Variants in CAP1 observed in about 807,000 individuals in gnomAD.
CAP1 encodes the protein cyclase associated actin cytoskeleton regulatory protein 1.
Under a neutral mutation model 58.2 loss-of-function variants are expected in CAP1, and 11 were observed. The ratio of observed to expected loss-of-function variants is 0.19; its 90% CI spans 0.12 to 0.31. The LOEUF is 0.31. Among genes scored for constraint, CAP1 ranks in the 10% least tolerant of loss-of-function variants. The pLI is 1.00. For missense variants in CAP1, 423 were observed against 587.5 expected, an observed-to-expected ratio of 0.72 and a Z score of 2.89; for synonymous variants, 183 against 213.8, an observed-to-expected ratio of 0.86 and a Z score of 1.26.
At chr1:40,047,678 A>T (rs1646165744) in intron 1 of CAP1, among the ~76,000 whole-genome samples, 1 of 152,218 alleles carries the variant, frequency 6.6e-6, no homozygotes, top group Non-Finnish European at 1.5e-5. Context: ...GTAGAAAGGG[A>T]CTGCCGAGTG....
chr1:40,063,635 A>T (rs1646952029), intron 4 of CAP1, among the ~76,000 whole-genome samples: 2 of 152,218 alleles, frequency 1.3e-5, no homozygotes, highest in Admixed American at 1.3e-4. Flanking sequence ...ATTGCATTTG[A>T]TTCATCAGTT....
chr1:40,048,168 G>A (rs905694491), intron 1 of CAP1, among the ~76,000 whole-genome samples: 1 of 152,082 alleles, frequency 6.6e-6, no homozygotes, highest in African/African-American at 2.4e-5. Context: ...ACAGGCATGA[G>A]CCATTGCACC....
rs778968835 is a variant in CAP1, at chr1:40,070,499, A to G, written c.1187A>G (p.Asp396Gly). The change falls in exon 11 of 13, where the codon GAT becomes GGT. Residue 396 changes from aspartate (D) to glycine (G), a missense_variant. By Grantham distance (94) the Asp-to-Gly change is moderately conservative. Coordinates refer to ENST00000372805, the MANE Select transcript of CAP1 (RefSeq NM_006367.4). ...ATTGTGGAGATAATCAACAGTAAGG[A>G]TGTCAAAGTTCAGGTAACTCGATAT... is the stretch of plus-strand genomic sequence containing the variant. Reference protein sequence around the residue: ...VGIVEIINSKDVKVQVMGKVP... With the variant: ...VGIVEIINSKGVKVQVMGKVP... The G allele has an allele frequency of 6.8e-6, 11 of 1,613,772 alleles. No homozygotes were observed. The highest frequency in any genetic ancestry group is 7.6e-6 in the Non-Finnish European group (9 of 1,179,684).
intron 1 of CAP1, among the ~76,000 whole-genome samples, chr1:40,044,658 G>C (rs1366414311): frequency 6.6e-6 from 1 of 151,916 alleles, no homozygotes; most frequent in Non-Finnish European, 1.5e-5. Flanking sequence ...AGATGATACA[G>C]GTTGACTTTC....
rs527275009 is a variant in CAP1, at chr1:40,069,736, C to G, written c.855C>G (p.Ala285=). The change falls in exon 9 of 13, where the codon GCC becomes GCG. Residue 285 remains alanine (A), a synonymous_variant. Transcript: ENST00000372805. ...ACATGAAGACTCACAAGAACCCTGC[C>G]CTGAAGGCTCAGAGTGGTCCAGTAC... The part of the protein sequence containing the change: ...SDDMKTHKNP[A]LKAQSGPVRS... 75 of 1,613,790 alleles carry G rather than the reference C, an allele frequency of 4.6e-5. No homozygotes were observed. The South Asian group carries it at 8.1e-4, about 17-fold the overall frequency.
At chr1:40,064,399 G>A (rs1304996763) in intron 5 of CAP1, 29 bp downstream of exon 5, 2 of 1,613,998 alleles carry the variant, frequency 1.2e-6, no homozygotes, top group East Asian at 2.2e-5. Context: ...AGGGCTGGGG[G>A]TGGGTATAGA....
At chr1:40,054,044 G>A (rs1274798738) in intron 1 of CAP1, among the ~76,000 whole-genome samples, 1 of 152,104 alleles carries the variant, frequency 6.6e-6, no homozygotes, top group Non-Finnish European at 1.5e-5. Context: ...TCCTGCAAAA[G>A]CAGATAAGCA....
rs531226064 is a variant in CAP1 at position 40,045,035 on chromosome 1, C to T, written c.-11+4234C>T. On this transcript the variant is annotated intron_variant, in intron 1 of 12. Transcript: ENST00000372805. ...TCCTGATCTCGTGATCTGCTCGCCTCGGCCTCCCAAGGTGCTGGGATTACA... is the reference window on the plus strand; with the variant it reads ...TCCTGATCTCGTGATCTGCTCGCCTTGGCCTCCCAAGGTGCTGGGATTACA... Among the ~76,000 whole-genome samples, 444 of 152,064 alleles carry T rather than the reference C, an allele frequency of 2.9e-3. 3 individuals are homozygous for T. The highest frequency in any genetic ancestry group is 0.01 in the African/African-American group (429 of 41,494).
intron 12 of CAP1, 101 bp from the exon 13 acceptor site, chr1:40,071,349 C>T (rs2124454509): frequency 2.5e-6 from 2 of 802,468 alleles, no homozygotes; most frequent in Admixed American, 2.2e-5. Flanking sequence ...TACCGTGCTC[C>T]TGGGGTTAAG....
At chr1:40,043,906 C>T (rs1223225628) in intron 1 of CAP1, among the ~76,000 whole-genome samples, 4 of 151,850 alleles carry the variant, frequency 2.6e-5, no homozygotes, top group South Asian at 4.2e-4. Context: ...AGAAATTTCT[C>T]GCTTTTTCCA....
At chr1:40,055,392 C>G (rs868519256) in intron 1 of CAP1, among the ~76,000 whole-genome samples, 1 of 152,190 alleles carries the variant, frequency 6.6e-6, no homozygotes, top group Non-Finnish European at 1.5e-5. Flanking sequence ...ATTCAGTACT[C>G]TGGGAAGTGT....
intron 1 of CAP1, among the ~76,000 whole-genome samples, chr1:40,046,314 G>C (rs935195741): frequency 8.5e-5 from 13 of 152,168 alleles, no homozygotes; most frequent in Admixed American, 3.9e-4. Context: ...AAATTTGCTG[G>C]GTGTGGTGGC....
chr1:40,040,435 C>T (rs1018394904), upstream of CAP1: 2 of 152,358 alleles, frequency 1.3e-5, no homozygotes, highest in Non-Finnish European at 2.9e-5. Flanking sequence ...GACTTCTGCC[C>T]TTCCTGGGCC....
At chr1:40,055,836 G>A (rs563868853) in intron 1 of CAP1, among the ~76,000 whole-genome samples, 2 of 152,236 alleles carry the variant, frequency 1.3e-5, no homozygotes, top group Admixed American at 6.5e-5. Flanking sequence ...CAGTCAGGAT[G>A]GAGGCAAGAG....
chr1:40,043,711 T>C (rs1645949723), intron 1 of CAP1, among the ~76,000 whole-genome samples: 1 of 151,884 alleles, frequency 6.6e-6, no homozygotes, highest in African/African-American at 2.4e-5. Flanking sequence ...ACACCATCAC[T>C]ACTAAAAATA....
Position 40,072,060 on chromosome 1 carries a change from C to G in CAP1, c.*527C>G, listed in dbSNP as rs1333862092. 1 of 403,268 alleles carries G rather than the reference C, an allele frequency of 2.5e-6. No homozygotes were observed. Among genetic ancestry groups the G allele is most frequent in the Non-Finnish European group, 4.4e-6 (1 of 228,380 alleles). The allele number at this position is 403,268 out of a possible 1,614,324, so 25.0% of individuals were successfully genotyped here. On this transcript the variant is annotated 3_prime_UTR_variant, in exon 13 of 13. Transcript: ENST00000372805. ...AGGCTTGGCCATCTAGCATTCCATA[C>G]AAAATTGTTTCCTATAAGCATTCCT...
chr1:40,062,773 TTGTGTGTG>T (rs1169359200), intron 4 of CAP1, among the ~76,000 whole-genome samples: 1 of 145,524 alleles, frequency 6.9e-6, no homozygotes, highest in Non-Finnish European at 1.5e-5. Context: ...TCAAAAAACA[TTGTGTGTG>T]TGTGTGTGTG....
intron 4 of CAP1, among the ~76,000 whole-genome samples, chr1:40,062,726 C>T (rs1439072904): frequency 1.3e-5 from 2 of 151,744 alleles, no homozygotes; most frequent in Non-Finnish European, 2.9e-5. Flanking sequence ...GAACACACCA[C>T]TGCACTCCAG....
chr1:40,054,281 C>G (rs1290335502), intron 1 of CAP1, among the ~76,000 whole-genome samples: 2 of 149,920 alleles, frequency 1.3e-5, no homozygotes, highest in South Asian at 4.3e-4. Context: ...ACCTCCACCT[C>G]TCAGGTTCAA....
Sources: gnomAD v4.1 joint callset for allele counts (sites outside exome capture counted in the v4.1 genomes callset) on GRCh38, gnomAD v4.1.1 for gene constraint, MANE v1.5 for transcripts, NCBI Gene and HGNC (gene_info 2026-07-23, HGNC 2026-07-21) for gene names.